KANSL1L: variants seen among roughly 807,000 people sequenced by gnomAD.
The protein encoded by KANSL1L is KAT8 regulatory NSL complex subunit 1 like, also known as KAT8 regulatory NSL complex subunit 1-like protein.
A neutral mutation model predicts 108.6 loss-of-function variants in KANSL1L; 25 were observed. That is an observed-to-expected ratio of 0.23 (90% CI 0.17 to 0.32). The LOEUF is 0.32. Among genes scored for constraint, KANSL1L ranks in the 10% least tolerant of loss-of-function variants. KANSL1L has a pLI of 1.00. For missense variants in KANSL1L, 1,137 were observed against 1,125.7 expected (o/e 1.01, Z -0.14); for synonymous variants, 405 against 395.1 (o/e 1.03, Z -0.30).
intron 2 of KANSL1L, among the ~76,000 whole-genome samples, chr2:210,136,366 T>C (rs1482927548): frequency 4.6e-5 from 7 of 152,304 alleles, no homozygotes; most frequent in African/African-American, 1.4e-4. Context: ...TTCTCTTGTA[T>C]GGAAAGAATT....
chr2:210,106,894 C>T (rs1376501853), intron 3 of KANSL1L, among the ~76,000 whole-genome samples: 2 of 152,072 alleles, frequency 1.3e-5, no homozygotes, highest in Admixed American at 6.6e-5. Context: ...CATTCTGATC[C>T]ACCACTGCCA....
intron 6 of KANSL1L, among the ~76,000 whole-genome samples, chr2:210,074,830 A>G (rs1453360871): frequency 2.0e-5 from 3 of 152,240 alleles, no homozygotes; most frequent in South Asian, 4.1e-4. Context: ...AGTAGTATCA[A>G]TAATTTCTTT....
intron 4 of KANSL1L, among the ~76,000 whole-genome samples, chr2:210,101,487 A>T (rs2094793467): frequency 6.6e-6 from 1 of 152,216 alleles, no homozygotes; most frequent in African/African-American, 2.4e-5. Context: ...ATAAGTAGTG[A>T]CCTAAAGATG....
intron 8 of KANSL1L, among the ~76,000 whole-genome samples, chr2:210,040,024 C>T (rs139182578): frequency 6.6e-6 from 1 of 151,578 alleles, no homozygotes; most frequent in Non-Finnish European, 1.5e-5. Flanking sequence ...TTTATATTTT[C>T]CCCTGTTTAG....
chr2:210,159,414 A>T (rs998716743), intron 1 of KANSL1L, among the ~76,000 whole-genome samples: 10 of 152,064 alleles, frequency 6.6e-5, no homozygotes, highest in African/African-American at 2.2e-4. Flanking sequence ...TTGGTTCATG[A>T]CTCTCCATTC....
intron 5 of KANSL1L, among the ~76,000 whole-genome samples, chr2:210,090,103 TA>T (rs1263860169): frequency 1.6e-4 from 24 of 152,352 alleles, no homozygotes; most frequent in African/African-American, 5.5e-4. Flanking sequence ...AGACTATATC[TA>T]AAAGTTTAAT....
At position 210,023,113 on chromosome 2, in the gene KANSL1L, CTT is replaced by C; in HGVS notation, c.2798_2799del (p.Gln933ArgfsTer2). 1 of 1,613,884 alleles carries C rather than the reference CTT, an allele frequency of 6.2e-7. No homozygotes were observed. ...CTTTCAACCTGATCCTTTTTTTCAT[CTT>C]GACATAATAAGGCTGCCATGTCTTC... ...KGEDMAALLC[Q>X]DEKKDQVERS... is the part of the protein sequence containing the mutation. On this transcript the variant is annotated frameshift_variant, in exon 15 of 15. Transcript: ENST00000281772. LOFTEE classifies it high-confidence loss of function.
intron 5 of KANSL1L, among the ~76,000 whole-genome samples, chr2:210,092,911 T>G (rs1050557547): frequency 2.6e-5 from 4 of 151,878 alleles, no homozygotes; most frequent in Non-Finnish European, 5.9e-5. Context: ...TCAGAACATC[T>G]CAAAGATAGG....
intron 7 of KANSL1L, 95 bp downstream of exon 7, chr2:210,043,844 T>A: frequency 1.1e-6 from 1 of 881,300 alleles, no homozygotes; most frequent in Non-Finnish European, 1.7e-6. Flanking sequence ...GAAAAAAAAT[T>A]GATAAAATAA....
intron 5 of KANSL1L, among the ~76,000 whole-genome samples, chr2:210,096,265 AAC>A (rs757147826): frequency 1.4e-4 from 22 of 152,180 alleles, no homozygotes; most frequent in Non-Finnish European, 3.1e-4. Context: ...TTTCAAGTGT[AAC>A]AGTTATTAAA....
At chr2:210,121,682 T>G (rs1352577322) in intron 3 of KANSL1L, among the ~76,000 whole-genome samples, 1 of 152,060 alleles carries the variant, frequency 6.6e-6, no homozygotes, top group Non-Finnish European at 1.5e-5. Context: ...TAAAACTTTT[T>G]GGGGGGCAAA....
At chr2:210,166,474 A>G (rs916988395) in intron 1 of KANSL1L, among the ~76,000 whole-genome samples, 1 of 152,154 alleles carries the variant, frequency 6.6e-6, no homozygotes, top group African/African-American at 2.4e-5. Context: ...GATAATCTAT[A>G]TAAGAACCAC....
intron 5 of KANSL1L, among the ~76,000 whole-genome samples, chr2:210,096,224 T>C (rs1292313717): frequency 6.6e-6 from 1 of 152,170 alleles, no homozygotes; most frequent in Admixed American, 6.5e-5. Flanking sequence ...ATTTCTTTCA[T>C]TTGGATCTAC....
At chr2:210,081,777 A>C (rs1321209862) in intron 5 of KANSL1L, among the ~76,000 whole-genome samples, 8 of 152,202 alleles carry the variant, frequency 5.3e-5, no homozygotes, top group Admixed American at 5.2e-4. Flanking sequence ...ACTACACCTA[A>C]ATAATTAGTT....
intron 6 of KANSL1L, among the ~76,000 whole-genome samples, chr2:210,058,091 TTTCA>T (rs1309197189): frequency 3.3e-5 from 5 of 152,228 alleles, no homozygotes; most frequent in African/African-American, 9.6e-5. Context: ...ATTTCTCTTC[TTTCA>T]AAAGCAAATG....
At chr2:210,096,888 T>C (rs1168859427) in intron 5 of KANSL1L, 1 of 430,038 alleles carries the variant, frequency 2.3e-6, no homozygotes, top group Non-Finnish European at 3.1e-6. Context: ...GATTAGATGT[T>C]CAAAATAACC....
upstream of KANSL1L, among the ~76,000 whole-genome samples, chr2:210,172,042 G>A (rs1481162729): frequency 6.6e-6 from 1 of 151,582 alleles, no homozygotes; most frequent in East Asian, 1.9e-4. Flanking sequence ...TACAAATCTG[G>A]TTTGAGTGGC....
Position 210,023,144 on chromosome 2 carries a change from C to G in KANSL1L, c.2769G>C (p.Lys923Asn), listed in dbSNP as rs1411381319. Residue 923 changes from lysine to asparagine, a missense_variant, in exon 15 of 15, where the codon AAG (lysine) becomes AAC (asparagine). Lys to Asn is a moderately conservative substitution (Grantham distance 94). Around this residue, in one of 3 missense-constraint regions of KANSL1L, gnomAD observed 575 missense variants for 567.1 expected, o/e 1.01. Transcript: ENST00000281772. ...ATAATAAGGCTGCCATGTCTTCACC[C>G]TTCAGTGGAAAAGCCCGTCGTTCCC... is the stretch of plus-strand genomic sequence containing the variant. Reference protein sequence around the residue: ...LWWERRAFPLKGEDMAALLCQ... With the variant: ...LWWERRAFPLNGEDMAALLCQ... The G allele has an allele frequency of 1.2e-6, 2 of 1,614,058 alleles. No homozygotes were observed. Among genetic ancestry groups the G allele is most frequent in the Non-Finnish European group, 1.7e-6 (2 of 1,179,946 alleles).
chr2:210,114,423 G>A (rs550801784), intron 3 of KANSL1L, among the ~76,000 whole-genome samples: 33 of 152,284 alleles, frequency 2.2e-4, no homozygotes, highest in African/African-American at 7.9e-4. Flanking sequence ...AAAGCTGAGA[G>A]AGTCATTTAC....
Sources: allele counts gnomAD v4.1 joint callset (sites outside exome capture counted in the v4.1 genomes callset), GRCh38; gene constraint gnomAD v4.1.1; regional missense constraint gnomAD v4.1.1; transcripts MANE v1.5; gene names NCBI Gene and HGNC (gene_info 2026-07-23, HGNC 2026-07-21).